LOXHD1: variants seen among roughly 807,000 people sequenced by gnomAD.
LOXHD1 encodes the protein lipoxygenase homology PLAT domains 1.
A neutral mutation model predicts 248.2 loss-of-function variants in LOXHD1; 205 were observed. That is an observed-to-expected ratio of 0.83 (90% CI 0.74 to 0.93). LOXHD1 has a LOEUF of 0.93. LOXHD1 is among the 40% of genes least tolerant of loss of function. The pLI is 0.00. For missense variants in LOXHD1, 2,930 were observed against 2,971.6 expected (o/e 0.99, Z 0.33); for synonymous variants, 1,113 against 1,162.8 (o/e 0.96, Z 0.87).
intron 6 of LOXHD1, among the ~76,000 whole-genome samples, chr18:46,610,414 G>A (rs1362503286): frequency 6.6e-6 from 1 of 151,530 alleles, no homozygotes; most frequent in Non-Finnish European, 1.5e-5. Flanking sequence ...CTGGGGGGCT[G>A]GGGGAGGGAT....
chr18:46,591,821 AG>A, intron 12 of LOXHD1, 111 bp downstream of exon 12: 4 of 1,347,004 alleles, frequency 3.0e-6, no homozygotes, highest in Non-Finnish European at 4.1e-6. Context: ...TGGCACTCTA[AG>A]GGGCCTGAAG....
chr18:46,603,235 G>A (rs967076162), intron 7 of LOXHD1, among the ~76,000 whole-genome samples: 5 of 152,052 alleles, frequency 3.3e-5, no homozygotes, highest in African/African-American at 7.2e-5. Flanking sequence ...TCAGGATGAG[G>A]AGAAGGCAGG....
intron 37 of LOXHD1, among the ~76,000 whole-genome samples, chr18:46,490,739 T>A (rs921126062): frequency 1.3e-5 from 2 of 152,220 alleles, no homozygotes; most frequent in Non-Finnish European, 2.9e-5. Flanking sequence ...CCTCCCAAAG[T>A]GCTGGGATTA....
rs2037921622 is a variant in LOXHD1, at chr18:46,579,522, GGC to G, written c.1809+106_1809+107del. On this transcript the variant is annotated intron_variant, in intron 13 of 40. Transcript: ENST00000642948. ...CCAGAGTGAGGCTCCTGATGGCTGA[GGC>G]CCCAGGACCAGCATCAGCTCAACTT... 2.1e-6 allele frequency: 3 copies of G among 1,430,176 alleles called. No homozygotes were observed. The Admixed American group carries it at 6.0e-5, about 29-fold the overall frequency. 88.6% of individuals were successfully genotyped at this position (1,430,176 alleles called of 1,614,324 possible). A position where few individuals can be genotyped will look rare whatever the true frequency, so the allele number is the denominator to read the frequency against.
At position 46,560,563 on chromosome 18, in the gene LOXHD1, C is replaced by A. The variant is rs1414701709; in HGVS notation, c.2599-18G>T. ...GCCTCAAGCTGTTCAAAGGGCAGGG[C>A]AGCGGCTGTCGTGGCCCCAGCGTCC... On this transcript the variant is annotated intron_variant, in intron 18 of 40. Coordinates refer to ENST00000642948, the MANE Select transcript of LOXHD1 (RefSeq NM_001384474.1). The A allele has an allele frequency of 2.0e-6, 3 of 1,509,926 alleles. No individual in the cohort carries two copies. Among genetic ancestry groups the A allele is most frequent in the South Asian group, 2.5e-5 (2 of 80,706 alleles). The allele number at this position is 1,509,926 out of a possible 1,614,324, so 93.5% of individuals were successfully genotyped here.
At chr18:46,633,597 A>G (rs1568226910) in intron 4 of LOXHD1, among the ~76,000 whole-genome samples, 1 of 152,246 alleles carries the variant, frequency 6.6e-6, no homozygotes, top group African/African-American at 2.4e-5. Context: ...AAGCATAGAC[A>G]ACAAAAGAAA....
At chr18:46,512,206 A>C (rs150735670) in intron 34 of LOXHD1, among the ~76,000 whole-genome samples, 52 of 152,250 alleles carry the variant, frequency 3.4e-4, no homozygotes, top group Middle Eastern at 6.8e-3. Flanking sequence ...TGCAGATAAC[A>C]ACATCGCCAT....
chr18:46,637,645 C>A (rs1358925664), intron 4 of LOXHD1, among the ~76,000 whole-genome samples: 2 of 152,104 alleles, frequency 1.3e-5, no homozygotes, highest in African/African-American at 2.4e-5. Context: ...CACACACACA[C>A]ATAAAAATTG....
intron 37 of LOXHD1, among the ~76,000 whole-genome samples, chr18:46,493,014 T>A (rs2033594661): frequency 6.6e-6 from 1 of 152,224 alleles, no homozygotes; most frequent in African/African-American, 2.4e-5. Flanking sequence ...ACTGTCAGAA[T>A]AAAATGCAAA....
At chr18:46,559,254 C>T in intron 20 of LOXHD1, 194 bp downstream of exon 20, 1 of 1,520,072 alleles carries the variant, frequency 6.6e-7, no homozygotes, top group Non-Finnish European at 8.8e-7. Context: ...GTGCTGGGGC[C>T]CTGCCTGCAA....
chr18:46,549,016 G>A (rs747917040), intron 21 of LOXHD1, among the ~76,000 whole-genome samples: 32 of 152,166 alleles, frequency 2.1e-4, no homozygotes, highest in Non-Finnish European at 3.5e-4. Context: ...TGGCCTGAGC[G>A]CTGGGCGTTC....
intron 12 of LOXHD1, among the ~76,000 whole-genome samples, chr18:46,585,773 T>C (rs2038048065): frequency 6.6e-6 from 1 of 152,180 alleles, no homozygotes; most frequent in South Asian, 2.1e-4. Context: ...GAACAAGTGT[T>C]GACAAGGATG....
rs535633745 is a variant in LOXHD1 at position 46,571,901 on chromosome 18, A to G, written c.2047+185T>C. Among the ~76,000 whole-genome samples, 3 of 152,342 alleles carry G rather than the reference A, an allele frequency of 2.0e-5. No individual in the cohort carries two copies. The South Asian group carries it at 6.2e-4, about 32-fold the overall frequency. ...CAGGGCCTCACACCTGAGGCCACAA[A>G]GAGACTGTGTGCAGGAGCACAGGCA... On this transcript the variant is annotated intron_variant, in intron 15 of 40. Transcript: ENST00000642948.
chr18:46,562,905 C>T (rs116446310), intron 18 of LOXHD1, among the ~76,000 whole-genome samples, 160 bp downstream of exon 18: 492 of 152,150 alleles, frequency 3.2e-3, no homozygotes, highest in African/African-American at 0.011. Context: ...CATTTTAGGC[C>T]GAAAGCTCAG....
chr18:46,573,556 A>C (rs1227236770), intron 14 of LOXHD1, among the ~76,000 whole-genome samples: 1 of 152,172 alleles, frequency 6.6e-6, no homozygotes, highest in Non-Finnish European at 1.5e-5. Context: ...CCCTACTGAG[A>C]GGGAGGCAAC....
chr18:46,586,383 A>C (rs1421526433), intron 12 of LOXHD1, among the ~76,000 whole-genome samples: 1 of 152,228 alleles, frequency 6.6e-6, no homozygotes, highest in Non-Finnish European at 1.5e-5. Context: ...TGTACACTTT[A>C]AATGGGTAAA....
At position 46,524,933 on chromosome 18, in the gene LOXHD1, G is replaced by A. The variant is rs1275045426; in HGVS notation, c.4531-16C>T. 1 of 1,551,384 alleles carries A rather than the reference G, an allele frequency of 6.4e-7. No individual in the cohort carries two copies. The highest frequency in any genetic ancestry group is 8.7e-7 in the Non-Finnish European group (1 of 1,146,966). ...AGGTGTCAGCCTGGGGAGCCCAGATGTGGGGACTCATATGGGGGTGTGCCA... is the reference window on the plus strand; with the variant it reads ...AGGTGTCAGCCTGGGGAGCCCAGATATGGGGACTCATATGGGGGTGTGCCA... On this transcript the variant is annotated splice_polypyrimidine_tract_variant and intron_variant, in intron 29 of 40. Transcript: ENST00000642948.
rs571456548 is a variant in LOXHD1 at position 46,507,572 on chromosome 18, G to A, written c.5658C>T (p.Ser1886=). ...CGCTGGTCTTAACTGCGACGGTGTA[G>A]GAGGTCCACTCCATCATTTCTTCCT... is the stretch of plus-strand genomic sequence containing the variant. The part of the protein sequence containing the change: ...IDEEEMMEWT[S]YTVAVKTSDI... Residue 1886 remains serine, a synonymous_variant, in exon 36 of 41, where the codon TCC becomes TCT. Transcript: ENST00000642948. The A allele has an allele frequency of 6.8e-5, 106 of 1,551,738 alleles. No homozygotes were observed. The East Asian group carries it at 2.3e-3, about 34-fold the overall frequency.
chr18:46,554,269 A>G (rs1568177957), intron 21 of LOXHD1, among the ~76,000 whole-genome samples: 1 of 152,210 alleles, frequency 6.6e-6, no homozygotes, highest in Non-Finnish European at 1.5e-5. Flanking sequence ...CATGAGTGGC[A>G]GAGAGGCATC....
Sources: gnomAD v4.1 joint callset for allele counts (sites outside exome capture counted in the v4.1 genomes callset) on GRCh38, gnomAD v4.1.1 for gene constraint, MANE v1.5 for transcripts, NCBI Gene and HGNC (gene_info 2026-07-23, HGNC 2026-07-21) for gene names.